FKBP5: variants seen among roughly 807,000 people sequenced by gnomAD.
FKBP5 encodes peptidyl-prolyl cis-trans isomerase FKBP5.
A neutral mutation model predicts 50.5 loss-of-function variants in FKBP5; 23 were observed. The ratio of observed to expected loss-of-function variants is 0.46; its 90% confidence interval spans 0.33 to 0.65. FKBP5 has a LOEUF of 0.65. FKBP5 is among the 30% of genes least tolerant of loss of function. The pLI, the probability that FKBP5 is intolerant of heterozygous loss-of-function variation, is 0.02. For synonymous variants in FKBP5, 176 were observed against 190.6 expected, an observed-to-expected ratio of 0.92 and a Z score of 0.63; for missense variants, 411 against 553.1, an observed-to-expected ratio of 0.74 and a Z score of 2.58.
At chr6:35,690,486 G>C (rs1430055266), upstream of FKBP5, among the ~76,000 whole-genome samples, 2 of 151,120 alleles carry the variant, frequency 1.3e-5, no homozygotes, top group African/African-American at 4.9e-5. Flanking sequence ...AAAGGGTGAT[G>C]ATGTCTGCAG....
At chr6:35,588,525 A>T (rs1762686103) in intron 7 of FKBP5, among the ~76,000 whole-genome samples, 1 of 151,434 alleles carries the variant, frequency 6.6e-6, no homozygotes. Context: ...TCTTTATGGA[A>T]TTTTTTTTTA....
At chr6:35,710,069 A>T (rs972964895) in intron 2 of FKBP5, among the ~76,000 whole-genome samples, 6 of 152,208 alleles carry the variant, frequency 3.9e-5, no homozygotes, top group African/African-American at 1.2e-4. Flanking sequence ...ATGCAGAAAC[A>T]GAAGGATGCT....
At position 35,688,794 on chromosome 6, in the gene FKBP5, G is replaced by C. The variant is rs1435156977; in HGVS notation, c.-20+10C>G. On this transcript the variant is annotated intron_variant, in intron 1 of 10. Transcript: ENST00000357266. Reference sequence around the variant, plus strand: ...CGGCCGCCCCATCTCCGTGGCCATGGCGCCGGTACCTGTCGCCGCGGGGGC... The same window carrying C: ...CGGCCGCCCCATCTCCGTGGCCATGCCGCCGGTACCTGTCGCCGCGGGGGC... 2.0e-5 allele frequency: 3 copies of C among 150,846 alleles called. No homozygotes were observed. Among genetic ancestry groups the C allele is most frequent in the East Asian group, 1.9e-4 (1 of 5,148 alleles). 9.3% of individuals were successfully genotyped at this position (150,846 alleles called of 1,614,324 possible).
intron 2 of FKBP5, among the ~76,000 whole-genome samples, chr6:35,709,645 T>C (rs1324202821): frequency 3.3e-5 from 5 of 152,222 alleles, no homozygotes; most frequent in Non-Finnish European, 4.4e-5. Flanking sequence ...TTGTTTTTTC[T>C]TTTCTTTCTT....
At chr6:35,683,552 ACC>A (rs1765740529) in intron 1 of FKBP5, among the ~76,000 whole-genome samples, 1 of 144,096 alleles carries the variant, frequency 6.9e-6, no homozygotes, top group South Asian at 2.2e-4. Flanking sequence ...TCCAACCTCC[ACC>A]TCCCAGGTTC....
intron 1 of FKBP5, among the ~76,000 whole-genome samples, chr6:35,656,830 G>A (rs571369781): frequency 6.6e-6 from 1 of 150,578 alleles, no homozygotes; most frequent in Non-Finnish European, 1.5e-5. Context: ...CCGGGAGGTG[G>A]AGGTTGCAGT....
intron 2 of FKBP5, among the ~76,000 whole-genome samples, chr6:35,709,154 G>T (rs1012693189): frequency 2.6e-5 from 4 of 152,172 alleles, no homozygotes; most frequent in African/African-American, 9.7e-5. Flanking sequence ...CAATCATGAT[G>T]GAAGGCAAGG....
At chr6:35,712,532 A>G (rs1298255071) in intron 2 of FKBP5, among the ~76,000 whole-genome samples, 3 of 152,040 alleles carry the variant, frequency 2.0e-5, no homozygotes, top group Non-Finnish European at 4.4e-5. Flanking sequence ...GCACTAGGAA[A>G]GGGCCCAGGC....
intron 5 of FKBP5, 144 bp from the exon 6 acceptor site, chr6:35,597,548 G>A: frequency 2.2e-6 from 2 of 917,950 alleles, no homozygotes; most frequent in Non-Finnish European, 3.1e-6. Context: ...GTGTGTCTTG[G>A]TGAAGCTTAG....
intron 9 of FKBP5, among the ~76,000 whole-genome samples, chr6:35,578,428 A>G (rs372698188): frequency 1.3e-5 from 2 of 152,136 alleles, no homozygotes; most frequent in East Asian, 3.9e-4. Context: ...ATCTGACTAC[A>G]TAAACATTAA....
intron 2 of FKBP5, among the ~76,000 whole-genome samples, chr6:35,706,865 A>T (rs1282912482): frequency 6.6e-6 from 1 of 152,246 alleles, no homozygotes; most frequent in Non-Finnish European, 1.5e-5. Context: ...GCCATTCAAC[A>T]TATGCAACAA....
At chr6:35,616,800 T>C (rs2150975862) in intron 5 of FKBP5, among the ~76,000 whole-genome samples, 1 of 152,226 alleles carries the variant, frequency 6.6e-6, no homozygotes, top group East Asian at 1.9e-4. Flanking sequence ...TCCATAGGAG[T>C]AAACCTCTAC....
At chr6:35,696,848 G>C (rs1350666170) in intron 2 of FKBP5, among the ~76,000 whole-genome samples, 3 of 152,150 alleles carry the variant, frequency 2.0e-5, no homozygotes, top group Non-Finnish European at 4.4e-5. Context: ...ACTGGAAAAG[G>C]ATAGACTTAT....
chr6:35,686,463 CTAAT>C (rs1231076224), intron 1 of FKBP5, among the ~76,000 whole-genome samples: 1 of 151,834 alleles, frequency 6.6e-6, no homozygotes, highest in Non-Finnish European at 1.5e-5. Flanking sequence ...CAATAAACAA[CTAAT>C]TATTAATAGT....
intron 1 of FKBP5, among the ~76,000 whole-genome samples, chr6:35,647,823 T>C (rs1453954352): frequency 1.3e-5 from 2 of 152,206 alleles, no homozygotes; most frequent in Non-Finnish European, 2.9e-5. Context: ...AAGGTACTTG[T>C]CTTCTTTCCT....
chr6:35,619,418 T>G (rs1048436553), intron 4 of FKBP5, among the ~76,000 whole-genome samples: 6 of 149,502 alleles, frequency 4.0e-5, no homozygotes, highest in Non-Finnish European at 8.9e-5. Flanking sequence ...TTTCATGTAA[T>G]GCTAATGTCT....
At chr6:35,704,955 C>T (rs189138983) in intron 2 of FKBP5, among the ~76,000 whole-genome samples, 1 of 151,448 alleles carries the variant, frequency 6.6e-6, no homozygotes, top group Non-Finnish European at 1.5e-5. Flanking sequence ...TCCTGGGTAA[C>T]ACGGTGAAAC....
At chr6:35,637,237 T>C (rs1227343860) in intron 2 of FKBP5, 79 bp from the exon 3 acceptor site, 3 of 1,246,120 alleles carry the variant, frequency 2.4e-6, no homozygotes, top group Non-Finnish European at 3.4e-6. Context: ...ACACAGTCCA[T>C]CCCAAGACAT....
Position 35,642,780 on chromosome 6 carries a change from T to C in FKBP5, c.45A>G (p.Thr15=). 3 of 1,614,104 alleles carry C rather than the reference T, an allele frequency of 1.9e-6. No individual in the cohort carries two copies. Among genetic ancestry groups the C allele is most frequent in the Non-Finnish European group, 2.5e-6 (3 of 1,180,002 alleles). Residue 15 remains threonine (T), a synonymous_variant, in exon 2 of 11, where the codon ACA becomes ACG. Coordinates refer to ENST00000357266, the MANE Select transcript of FKBP5 (RefSeq NM_004117.4). The stretch of plus-strand genomic sequence containing the variant: ...CCTCTCCCTGCTCAGCAACAGTGGC[T>C]GTGGGGCTTTCTTCATTGTTCTTGG... ...EGAKNNEESP[T]ATVAEQGEDI...
Sources: gnomAD v4.1 joint callset for allele counts (sites outside exome capture counted in the v4.1 genomes callset) on GRCh38, gnomAD v4.1.1 for gene constraint, MANE v1.5 for transcripts, NCBI Gene and HGNC (gene_info 2026-07-23, HGNC 2026-07-21) for gene names.